Variants in NRG1 observed in about 807,000 individuals in gnomAD.
The protein encoded by NRG1 is neuregulin 1.
In NRG1, 18 loss-of-function variants were observed where a neutral mutation model predicts 63.8. The ratio of observed to expected loss-of-function variants is 0.28; its 90% CI spans 0.19 to 0.42. The LOEUF is 0.42. Ranked by LOEUF, NRG1 falls within the 10% of genes least tolerant of loss-of-function variation. The probability of loss-of-function intolerance (pLI) is 1.00; values close to 1 mark genes in which losing one functional copy is unlikely to be tolerated. For synonymous variants in NRG1, 302 were observed against 301.3 expected (o/e 1.00, Z -0.02); for missense variants, 762 against 814.7 (o/e 0.94, Z 0.79).
intron 1 of NRG1, among the ~76,000 whole-genome samples, chr8:32,394,564 T>C (rs1015924482): frequency 3.7e-4 from 56 of 152,182 alleles, no homozygotes; most frequent in Non-Finnish European, 1.8e-4. Flanking sequence ...CTTTTCCTTC[T>C]TTTGGAATTT....
At chr8:32,489,358 G>A (rs549680478) in intron 1 of NRG1, among the ~76,000 whole-genome samples, 2 of 152,210 alleles carry the variant, frequency 1.3e-5, no homozygotes, top group East Asian at 1.9e-4. Context: ...GGACCTTATC[G>A]GGAAGCTGAT....
intron 1 of NRG1, among the ~76,000 whole-genome samples, chr8:32,177,746 GA>G (rs985902966): frequency 2.0e-5 from 3 of 151,712 alleles, no homozygotes; most frequent in African/African-American, 7.3e-5. Flanking sequence ...CACTTTGCAT[GA>G]AAAAAAATCA....
At chr8:32,732,269 G>A (rs574226160) in intron 6 of NRG1, among the ~76,000 whole-genome samples, 99 of 152,272 alleles carry the variant, frequency 6.5e-4, no homozygotes, top group African/African-American at 2.3e-3. Flanking sequence ...ACCCTCTGAT[G>A]CTTTATGTAG....
At chr8:32,067,394 A>G (rs904071010) in intron 1 of NRG1, among the ~76,000 whole-genome samples, 2 of 152,320 alleles carry the variant, frequency 1.3e-5, no homozygotes, top group African/African-American at 4.8e-5. Flanking sequence ...AGTTTTTAGC[A>G]TGAAGCGTTG....
chr8:31,938,047 C>G (rs1395003518), intron 1 of NRG1, among the ~76,000 whole-genome samples: 2 of 152,124 alleles, frequency 1.3e-5, no homozygotes, highest in Non-Finnish European at 2.9e-5. Context: ...TGCAACCTGT[C>G]TATAGGACCA....
intron 1 of NRG1, among the ~76,000 whole-genome samples, chr8:32,073,960 A>T (rs1826129147): frequency 6.6e-6 from 1 of 152,178 alleles, no homozygotes; most frequent in East Asian, 1.9e-4. Context: ...TGGATATCAG[A>T]TATTATTATT....
At chr8:32,740,182 C>A (rs2129036324) in intron 6 of NRG1, among the ~76,000 whole-genome samples, 1 of 145,328 alleles carries the variant, frequency 6.9e-6, no homozygotes, top group South Asian at 2.2e-4. Flanking sequence ...TGAGAAATGA[C>A]CCAACCTCTT....
At chr8:32,432,394 T>C (rs2129486836) in intron 1 of NRG1, among the ~76,000 whole-genome samples, 1 of 152,274 alleles carries the variant, frequency 6.6e-6, no homozygotes, top group South Asian at 2.1e-4. Flanking sequence ...AATCTGAACC[T>C]AAGAGAGTTT....
At chr8:32,590,844 T>A (rs1472521681) in intron 1 of NRG1, among the ~76,000 whole-genome samples, 1 of 152,162 alleles carries the variant, frequency 6.6e-6, no homozygotes, top group South Asian at 2.1e-4. Flanking sequence ...CCACATGGGC[T>A]CAAATATTAG....
At chr8:32,569,989 C>T (rs1160869811) in intron 1 of NRG1, among the ~76,000 whole-genome samples, 1 of 149,512 alleles carries the variant, frequency 6.7e-6, no homozygotes, top group Admixed American at 6.7e-5. Context: ...CTCACTGCAA[C>T]CTCTGCCTCC....
chr8:31,863,840 G>A (rs1010044216), intron 1 of NRG1, among the ~76,000 whole-genome samples: 2 of 152,162 alleles, frequency 1.3e-5, no homozygotes, highest in African/African-American at 4.8e-5. Flanking sequence ...ATTATACTGG[G>A]CGCTCTCATA....
intron 1 of NRG1, among the ~76,000 whole-genome samples, chr8:32,071,313 T>C (rs1825727148): frequency 6.6e-6 from 1 of 152,244 alleles, no homozygotes; most frequent in Non-Finnish European, 1.5e-5. Context: ...ATTACATGAT[T>C]GTTCAGTTGT....
At chr8:31,901,577 G>A (rs986767875) in intron 1 of NRG1, among the ~76,000 whole-genome samples, 1 of 152,138 alleles carries the variant, frequency 6.6e-6, no homozygotes, top group Non-Finnish European at 1.5e-5. Context: ...ATTTTAACAG[G>A]TGCCTTAAAA....
intron 1 of NRG1, among the ~76,000 whole-genome samples, chr8:32,036,193 T>C (rs539875172): frequency 6.6e-6 from 1 of 152,330 alleles, no homozygotes; most frequent in South Asian, 2.1e-4. Context: ...CTTATGAAGC[T>C]TAGTTTGACC....
At chr8:32,656,945 G>T (rs566477386) in intron 5 of NRG1, among the ~76,000 whole-genome samples, 82 of 152,110 alleles carry the variant, frequency 5.4e-4, no homozygotes, top group Non-Finnish European at 8.8e-4. Flanking sequence ...TGTTTGAGTT[G>T]CATTTCATGA....
At chr8:31,757,085 T>C (rs1284103479) in intron 1 of NRG1, among the ~76,000 whole-genome samples, 2 of 152,090 alleles carry the variant, frequency 1.3e-5, no homozygotes, top group Admixed American at 1.3e-4. Context: ...AGAAAAGGAG[T>C]AAATAAAGCC....
intron 1 of NRG1, among the ~76,000 whole-genome samples, chr8:32,279,351 TTTTTG>T (rs903793645): frequency 1.3e-5 from 2 of 152,156 alleles, no homozygotes; most frequent in African/African-American, 4.8e-5. Flanking sequence ...AAAAGTTGTT[TTTTTG>T]TTTTGTTTTG....
intron 1 of NRG1, among the ~76,000 whole-genome samples, chr8:32,510,097 AAATAAT>A (rs57367955): frequency 0.094 from 13,069 of 139,060 alleles, 1,413 homozygotes; most frequent in East Asian, 0.5. Flanking sequence ...TCCTAGACAA[AAATAAT>A]AATAATAATA....
intron 1 of NRG1, among the ~76,000 whole-genome samples, chr8:31,685,269 G>A (rs943306038): frequency 6.6e-6 from 1 of 152,080 alleles, no homozygotes; most frequent in Non-Finnish European, 1.5e-5. Context: ...ATATTAAGAA[G>A]AAATCTGTCC....
Sources: allele counts gnomAD v4.1 joint callset (sites outside exome capture counted in the v4.1 genomes callset), GRCh38; gene constraint gnomAD v4.1.1; transcripts MANE v1.5; gene names NCBI Gene and HGNC (gene_info 2026-07-23, HGNC 2026-07-21).